The following GAB2 variants were observed in gnomAD, a reference collection of about 807,000 sequenced individuals.
GAB2 encodes GRB2-associated-binding protein 2.
Under a neutral mutation model 65.5 loss-of-function variants are expected in GAB2, and 26 were observed. The ratio of observed to expected loss-of-function variants is 0.40; its 90% confidence interval spans 0.29 to 0.55. The LOEUF (loss-of-function observed/expected upper bound fraction) is 0.55. GAB2 is among the 20% of genes least tolerant of loss of function. The pLI is 0.53. For synonymous variants in GAB2, 321 were observed against 329.6 expected, an observed-to-expected ratio of 0.97 and a Z score of 0.28; for missense variants, 884 against 875.8, an observed-to-expected ratio of 1.01 and a Z score of -0.12.
At chr11:78,240,882 T>C (rs1224419326) in intron 3 of GAB2, among the ~76,000 whole-genome samples, 1 of 152,158 alleles carries the variant, frequency 6.6e-6, no homozygotes, top group African/African-American at 2.4e-5. Flanking sequence ...CATCCAACCA[T>C]GCTACGGAGA....
chr11:78,391,544 G>C (rs1856833809), intron 1 of GAB2, among the ~76,000 whole-genome samples: 1 of 152,212 alleles, frequency 6.6e-6, no homozygotes, highest in Non-Finnish European at 1.5e-5. Context: ...CATGTAAGCA[G>C]TCTGATTGCT....
At chr11:78,341,906 T>C in intron 1 of GAB2, 1 of 984,994 alleles carries the variant, frequency 1.0e-6, no homozygotes, top group African/African-American at 1.7e-5. Flanking sequence ...TCTGAATGGC[T>C]AAGTGCAATG....
intron 1 of GAB2, among the ~76,000 whole-genome samples, chr11:78,401,594 G>A (rs1172280419): frequency 6.8e-6 from 1 of 146,020 alleles, no homozygotes; most frequent in Non-Finnish European, 1.5e-5. Flanking sequence ...CATCTCTGTT[G>A]TAGCATGTCC....
chr11:78,417,332 T>C (rs1344580577), intron 1 of GAB2, among the ~76,000 whole-genome samples: 1 of 144,640 alleles, frequency 6.9e-6, no homozygotes, highest in African/African-American at 2.7e-5. Context: ...ACTCTCTCGG[T>C]CTCCAGAAGC....
In GAB2 at chr11:78,278,942, C is replaced by T. The variant is rs535957286; in HGVS notation, c.376+1659G>A. On this transcript the variant is annotated intron_variant, in intron 2 of 9. Transcript: ENST00000361507. ...AGTGAACCATGATTGTGTCACTGCACTCTAGTCTCGCTATGCTGCCCCAGC... is the reference window on the plus strand; with the variant it reads ...AGTGAACCATGATTGTGTCACTGCATTCTAGTCTCGCTATGCTGCCCCAGC... Among the ~76,000 whole-genome samples, 9 of 152,218 alleles carry T rather than the reference C, an allele frequency of 5.9e-5. No individual in the cohort carries two copies. In the South Asian group the frequency reaches 1.9e-3, roughly 32 times the overall value.
At chr11:78,396,197 ACAAAG>A (rs1237368911) in intron 1 of GAB2, among the ~76,000 whole-genome samples, 2 of 152,230 alleles carry the variant, frequency 1.3e-5, no homozygotes, top group African/African-American at 4.8e-5. Context: ...GCCTTGCTAC[ACAAAG>A]CAAAGTTTCA....
At chr11:78,283,722 T>C (rs112903560) in intron 1 of GAB2, among the ~76,000 whole-genome samples, 34 of 152,234 alleles carry the variant, frequency 2.2e-4, no homozygotes, top group Admixed American at 9.2e-4. Flanking sequence ...CAACAGTTTA[T>C]TATTCCATCC....
At chr11:78,363,393 G>C (rs1305967025) in intron 1 of GAB2, among the ~76,000 whole-genome samples, 2 of 152,084 alleles carry the variant, frequency 1.3e-5, no homozygotes, top group Admixed American at 1.3e-4. Context: ...CTGGTATATA[G>C]TAGGTGCTCA....
intron 1 of GAB2, among the ~76,000 whole-genome samples, chr11:78,388,450 C>A (rs927214198): frequency 1.3e-5 from 2 of 152,134 alleles, no homozygotes; most frequent in African/African-American, 4.8e-5. Flanking sequence ...CCTCAGCCTC[C>A]TGAGTAGCTG....
intron 1 of GAB2, among the ~76,000 whole-genome samples, chr11:78,390,646 A>G (rs1257112291): frequency 6.6e-6 from 1 of 152,198 alleles, no homozygotes; most frequent in Non-Finnish European, 1.5e-5. Flanking sequence ...CTCAGTGTAT[A>G]GAGACTTTGA....
At chr11:78,272,327 A>G (rs1384049561) in intron 2 of GAB2, among the ~76,000 whole-genome samples, 1 of 152,202 alleles carries the variant, frequency 6.6e-6, no homozygotes, top group Non-Finnish European at 1.5e-5. Context: ...AGACTTGTGA[A>G]TGGCTTTGAC....
At chr11:78,416,891 G>C (rs939019897) in intron 1 of GAB2, among the ~76,000 whole-genome samples, 1 of 151,730 alleles carries the variant, frequency 6.6e-6, no homozygotes, top group African/African-American at 2.4e-5. Flanking sequence ...AGCGATCTCA[G>C]TAAACACTGT....
intron 1 of GAB2, among the ~76,000 whole-genome samples, chr11:78,308,771 TAAG>T (rs1312632684): frequency 1.3e-5 from 2 of 152,196 alleles, no homozygotes; most frequent in Non-Finnish European, 2.9e-5. Flanking sequence ...TGGAGTGGAA[TAAG>T]AAGAATATGA....
chr11:78,226,746 A>G lies in GAB2; in HGVS notation c.926T>C (p.Leu309Pro), dbSNP rs1355201218. Residue 309 changes from leucine (L) to proline (P), a missense_variant, in exon 4 of 10, where the codon CTC (leucine) becomes CCC (proline). By Grantham distance (98) the Leu-to-Pro change is moderately conservative. Transcript: ENST00000361507. ...SNTLCREFGD[L>P]LVDNMDVPAT... ...CGGAACATCCATATTGTCTACCAGG[A>G]GGTCCCCGAACTCCCTGCACAGGGT... 3 of 1,613,854 alleles carry G rather than the reference A, an allele frequency of 1.9e-6. No individual in the cohort carries two copies. The highest frequency in any genetic ancestry group is 4.5e-5 in the East Asian group (2 of 44,874).
intron 3 of GAB2, among the ~76,000 whole-genome samples, chr11:78,244,980 G>A (rs1026214730): frequency 1.3e-5 from 2 of 152,186 alleles, no homozygotes; most frequent in African/African-American, 4.8e-5. Context: ...AGAGCTATTT[G>A]CACCCCTATG....
intron 1 of GAB2, among the ~76,000 whole-genome samples, chr11:78,410,174 T>C (rs1299549094): frequency 6.6e-6 from 1 of 152,128 alleles, no homozygotes; most frequent in African/African-American, 2.4e-5. Flanking sequence ...ATACATTAAA[T>C]AAGAGGAAAA....
intron 3 of GAB2, among the ~76,000 whole-genome samples, chr11:78,227,600 G>A (rs374504458): frequency 1.5e-5 from 2 of 133,980 alleles, no homozygotes; most frequent in East Asian, 2.5e-4. Flanking sequence ...TTCAAGACCA[G>A]CCTGGGAACA....
intron 5 of GAB2, among the ~76,000 whole-genome samples, chr11:78,224,476 C>T (rs1459437916): frequency 1.3e-5 from 2 of 152,160 alleles, no homozygotes; most frequent in Admixed American, 6.5e-5. Context: ...TAGGGGACCA[C>T]CAAGCTGCAG....
Position 78,280,583 on chromosome 11 carries a change from C to G in GAB2, c.376+18G>C. 6.3e-7 allele frequency: 1 copy of G among 1,597,662 alleles called. No individual in the cohort carries two copies. The highest frequency in any genetic ancestry group is 8.6e-7 in the Non-Finnish European group (1 of 1,168,598). On this transcript the variant is annotated intron_variant, in intron 2 of 9. Coordinates refer to ENST00000361507, the MANE Select transcript of GAB2 (RefSeq NM_080491.3). Reference sequence around the variant, plus strand: ...CACCTCAACCCCCTATGAGAAAGATCTGTGTGCGTTCTCATACCTGTGCTC... The same window carrying G: ...CACCTCAACCCCCTATGAGAAAGATGTGTGTGCGTTCTCATACCTGTGCTC...
Sources: gnomAD v4.1 joint callset for allele counts (sites outside exome capture counted in the v4.1 genomes callset) on GRCh38, gnomAD v4.1.1 for gene constraint, MANE v1.5 for transcripts, NCBI Gene and HGNC (gene_info 2026-07-23, HGNC 2026-07-21) for gene names.